Variants in TRAF2 observed in about 807,000 individuals in gnomAD.
TRAF2 encodes the protein TNF receptor-associated factor 2.
In TRAF2, 6 loss-of-function variants were observed where a neutral mutation model predicts 55.6. That is an observed-to-expected ratio of 0.11 (90% CI 0.06 to 0.21). The LOEUF (loss-of-function observed/expected upper bound fraction) is 0.21, where lower values mean the gene tolerates loss of function less well. TRAF2 is among the 10% of genes least tolerant of loss of function. The probability of loss-of-function intolerance (pLI) is 1.00; values close to 1 mark genes in which losing one functional copy is unlikely to be tolerated. For synonymous variants in TRAF2, 329 were observed against 276.3 expected, an observed-to-expected ratio of 1.19 and a Z score of -1.89; for missense variants, 561 against 684.5, an observed-to-expected ratio of 0.82 and a Z score of 2.01.
chr9:136,906,226 C>G (rs991404849), intron 4 of TRAF2, among the ~76,000 whole-genome samples: 2 of 152,134 alleles, frequency 1.3e-5, no homozygotes, highest in Admixed American at 1.3e-4. Context: ...CTGCAGTGAC[C>G]TGTATTCTTA....
chr9:136,924,705 C>G (rs1398197249), intron 10 of TRAF2, among the ~76,000 whole-genome samples: 1 of 152,130 alleles, frequency 6.6e-6, no homozygotes, highest in Non-Finnish European at 1.5e-5. Flanking sequence ...GGAAGGAACA[C>G]AGCTTCGGAG....
chr9:136,923,628 A>AAC (rs1564422959), intron 9 of TRAF2, among the ~76,000 whole-genome samples: 1 of 151,604 alleles, frequency 6.6e-6, no homozygotes, highest in Non-Finnish European at 1.5e-5. Context: ...AAAAAAAAAA[A>AAC]AAAAAAACTT....
chr9:136,912,531 T>G (rs988136308), intron 6 of TRAF2, among the ~76,000 whole-genome samples: 4 of 152,134 alleles, frequency 2.6e-5, no homozygotes, highest in Admixed American at 1.3e-4. Context: ...ATGTTATATA[T>G]AGAGTAGGTT....
chr9:136,923,785 G>GGCAGGAAGA, intron 9 of TRAF2, 67 bp from the exon 10 acceptor site: 2 of 1,550,904 alleles, frequency 1.3e-6, no homozygotes, highest in Middle Eastern at 3.8e-4. Context: ...AGGGCAGCCA[G>GGCAGGAAGA]GCAGGAAGAG....
chr9:136,904,711 A>G (rs760277861), intron 4 of TRAF2, among the ~76,000 whole-genome samples: 6 of 152,200 alleles, frequency 3.9e-5, no homozygotes, highest in Non-Finnish European at 8.8e-5. Context: ...CCTGGCCTAA[A>G]GAACAGTCTT....
intron 8 of TRAF2, among the ~76,000 whole-genome samples, 182 bp downstream of exon 8, chr9:136,920,697 T>C (rs1850363662): frequency 6.6e-6 from 1 of 152,162 alleles, no homozygotes; most frequent in Non-Finnish European, 1.5e-5. Flanking sequence ...CTGAGTCCTG[T>C]CATCTAAGGG....
At position 136,926,531 on chromosome 9, in the gene TRAF2, CA is replaced by C. The variant is rs5901111; in HGVS notation, c.*631del. The C allele has an allele frequency of 6.5e-3, 1,175 of 180,362 alleles. 19 individuals are homozygous for C. Among genetic ancestry groups the C allele is most frequent in the African/African-American group, 0.026 (1,112 of 42,812 alleles). 11.2% of individuals were successfully genotyped at this position (180,362 alleles called of 1,614,324 possible). ...CTCAGACCACTGTGTGGGAGGTGCACAGCACAGCCTGCGGGTAAAGTGTGAG... is the reference window on the plus strand; with the variant it reads ...CTCAGACCACTGTGTGGGAGGTGCACGCACAGCCTGCGGGTAAAGTGTGAG... On this transcript the variant is annotated 3_prime_UTR_variant, in exon 11 of 11. Transcript: ENST00000247668.
intron 1 of TRAF2, 168 bp downstream of exon 1, chr9:136,886,709 G>A (rs1049342976): frequency 4.9e-6 from 2 of 404,118 alleles, no homozygotes; most frequent in Non-Finnish European, 6.7e-6. Context: ...CAGCCCGAGG[G>A]GATTTCTCTG....
chr9:136,906,341 T>G (rs937520607), intron 4 of TRAF2, among the ~76,000 whole-genome samples: 3 of 152,116 alleles, frequency 2.0e-5, no homozygotes, highest in Non-Finnish European at 4.4e-5. Context: ...TTGAATGGAC[T>G]CATAGTTCCA....
chr9:136,920,260 C>G lies in TRAF2; in HGVS notation c.705C>G (p.His235Gln), dbSNP rs753915703. ...ETVEGEKQQEHEVQWLREHLA... is the reference protein window; with the variant it reads ...ETVEGEKQQEQEVQWLREHLA... The stretch of plus-strand genomic sequence containing the variant: ...TAGAGGGTGAGAAACAGCAGGAGCA[C>G]GAGGTGCAGTGGCTGCGGGAGCACC... The change falls in exon 8 of 11, where the codon CAC becomes CAG. Residue 235 changes from histidine to glutamine, a missense_variant. By Grantham distance (24) the His-to-Gln change is conservative. Around this residue, in one of 2 missense-constraint regions of TRAF2, gnomAD observed 426 missense variants for 476.8 expected, o/e 0.89. Transcript: ENST00000247668. 1 of 1,612,328 alleles carries G rather than the reference C, an allele frequency of 6.2e-7. No homozygotes were observed. Among genetic ancestry groups the G allele is most frequent in the African/African-American group, 1.3e-5 (1 of 74,892 alleles).
chr9:136,908,937 C>T (rs1850027737), intron 5 of TRAF2, among the ~76,000 whole-genome samples: 1 of 147,126 alleles, frequency 6.8e-6, no homozygotes, highest in African/African-American at 2.5e-5. Context: ...ACTCGGGAGG[C>T]TGAGGCAGGA....
intron 1 of TRAF2, 88 bp from the exon 2 acceptor site, chr9:136,898,625 A>C: frequency 6.5e-7 from 1 of 1,540,782 alleles, no homozygotes; most frequent in Admixed American, 1.9e-5. Context: ...GCCCCTCACC[A>C]TCGCCTGCTA....
chr9:136,891,965 G>A (rs1422832806), intron 1 of TRAF2, among the ~76,000 whole-genome samples: 5 of 149,064 alleles, frequency 3.4e-5, no homozygotes, highest in South Asian at 4.3e-4. Context: ...TGATCCACCC[G>A]CCTCAGCCTC....
chr9:136,886,682 C>G (rs1037622715), intron 1 of TRAF2, 141 bp downstream of exon 1: 3 of 41,692 alleles, frequency 7.2e-5, no homozygotes, highest in Non-Finnish European at 1.0e-4. Context: ...GGAGAGGCCG[C>G]GGGGCGGGGG....
chr9:136,890,931 G>T (rs543674631), intron 1 of TRAF2, among the ~76,000 whole-genome samples: 6 of 152,140 alleles, frequency 3.9e-5, no homozygotes, highest in Non-Finnish European at 7.3e-5. Context: ...GCACTTTGTT[G>T]TGAACCTCGG....
chr9:136,885,154 T>C (rs1480420337), upstream of TRAF2, among the ~76,000 whole-genome samples: 2 of 152,212 alleles, frequency 1.3e-5, no homozygotes, highest in Admixed American at 1.3e-4. Flanking sequence ...AAGTAACATA[T>C]ATGAAATGTG....
chr9:136,907,909 C>T (rs948252704), intron 4 of TRAF2, among the ~76,000 whole-genome samples, 161 bp from the exon 5 acceptor site: 5 of 151,994 alleles, frequency 3.3e-5, no homozygotes, highest in African/African-American at 1.2e-4. Context: ...CTCCTGCCCT[C>T]CCACCTGTGG....
intron 1 of TRAF2, among the ~76,000 whole-genome samples, chr9:136,894,347 T>C (rs1315896579): frequency 1.3e-5 from 2 of 152,150 alleles, no homozygotes; most frequent in Non-Finnish European, 2.9e-5. Context: ...ACCTGGCTGG[T>C]AGTGGCCCTT....
chr9:136,922,711 G>C (rs1026777891), intron 9 of TRAF2, among the ~76,000 whole-genome samples: 1 of 145,158 alleles, frequency 6.9e-6, no homozygotes, highest in African/African-American at 2.6e-5. Flanking sequence ...GGATGGGCCT[G>C]GGCACGTGGT....
Sources: allele counts gnomAD v4.1 joint callset (sites outside exome capture counted in the v4.1 genomes callset), GRCh38; gene constraint gnomAD v4.1.1; regional missense constraint gnomAD v4.1.1; transcripts MANE v1.5; gene names NCBI Gene and HGNC (gene_info 2026-07-23, HGNC 2026-07-21).